RDX: variants seen among roughly 807,000 people sequenced by gnomAD.
The protein encoded by RDX is radixin.
A neutral mutation model predicts 83.7 loss-of-function variants in RDX; 32 were observed. That is an observed-to-expected ratio of 0.38 (90% confidence interval 0.29 to 0.51). The LOEUF (loss-of-function observed/expected upper bound fraction) is 0.51. RDX is among the 20% of genes least tolerant of loss of function. The pLI, the probability that RDX is intolerant of heterozygous loss-of-function variation, is 0.87. For missense variants in RDX, 600 were observed against 689.9 expected, an observed-to-expected ratio of 0.87 and a Z score of 1.46; for synonymous variants, 229 against 222.7, an observed-to-expected ratio of 1.03 and a Z score of -0.25.
chr11:110,291,847 G>A (rs757684340), intron 1 of RDX, among the ~76,000 whole-genome samples: 1 of 152,086 alleles, frequency 6.6e-6, no homozygotes, highest in African/African-American at 2.4e-5. Flanking sequence ...ATTAAATTTT[G>A]GCCAGGCATG....
rs1864551584 is a variant in RDX, at chr11:110,229,738, T to C, written c.*2131A>G. Reference sequence around the variant, plus strand: ...ATCCATTTTAATCCTAATCTACAAATAGATCATAAACAGCAAAATATAACT... The same window carrying C: ...ATCCATTTTAATCCTAATCTACAAACAGATCATAAACAGCAAAATATAACT... On this transcript the variant is annotated 3_prime_UTR_variant, in exon 14 of 14. Transcript: ENST00000645495. The C allele has an allele frequency of 6.6e-6, 1 of 152,488 alleles. No homozygotes were observed. Among genetic ancestry groups the C allele is most frequent in the South Asian group, 2.1e-4 (1 of 4,830 alleles). 9.4% of individuals were successfully genotyped at this position (152,488 alleles called of 1,614,324 possible).
intron 1 of RDX, among the ~76,000 whole-genome samples, chr11:110,285,214 C>T (rs765653668): frequency 2.6e-4 from 39 of 151,354 alleles, no homozygotes; most frequent in Non-Finnish European, 2.8e-4. Context: ...TAGTGAAACC[C>T]GGTCTCTACT....
intron 15 of RDX, among the ~76,000 whole-genome samples, chr11:110,189,124 GA>G (rs978265132): frequency 6.6e-6 from 1 of 151,342 alleles, no homozygotes; most frequent in African/African-American, 2.4e-5. Flanking sequence ...GACATTTAAT[GA>G]CACCCATAGG....
intron 9 of RDX, among the ~76,000 whole-genome samples, chr11:110,250,383 G>A (rs1859281430): frequency 6.6e-6 from 1 of 152,142 alleles, no homozygotes. Flanking sequence ...CAGCCTCTAT[G>A]CAATCACATC....
intron 15 of RDX, among the ~76,000 whole-genome samples, chr11:110,181,065 C>T (rs1486194391): frequency 6.6e-6 from 1 of 152,086 alleles, no homozygotes. Context: ...TTCCAGGTAT[C>T]ACCTTGGAAT....
chr11:110,214,453 A>C (rs1863955203), intron 14 of RDX, among the ~76,000 whole-genome samples: 1 of 139,484 alleles, frequency 7.2e-6, no homozygotes, highest in Non-Finnish European at 1.5e-5. Context: ...GGGATCTAGA[A>C]TTGGAAATAC....
chr11:110,209,612 T>G (rs1348421569), intron 14 of RDX, among the ~76,000 whole-genome samples: 1 of 149,904 alleles, frequency 6.7e-6, no homozygotes, highest in Non-Finnish European at 1.5e-5. Context: ...AAGAGAGCAG[T>G]GGTTCTCCCA....
chr11:110,227,127 T>C (rs1221055468), downstream of RDX, among the ~76,000 whole-genome samples: 1 of 152,096 alleles, frequency 6.6e-6, no homozygotes, highest in African/African-American at 2.4e-5. Context: ...TCCCTTATGA[T>C]TCTGAAAAAC....
chr11:110,223,460 G>C (rs1864324593), intron 14 of RDX, among the ~76,000 whole-genome samples: 1 of 152,110 alleles, frequency 6.6e-6, no homozygotes, highest in Non-Finnish European at 1.5e-5. Flanking sequence ...ACCGAGAGGT[G>C]AAAGTTGCAG....
chr11:110,183,486 C>A (rs146538449), intron 15 of RDX, among the ~76,000 whole-genome samples: 18 of 152,250 alleles, frequency 1.2e-4, no homozygotes, highest in Middle Eastern at 3.4e-3. Context: ...CGCTAACAGC[C>A]CAGCCAATTT....
chr11:110,264,451 T>C (rs984562566), intron 4 of RDX, among the ~76,000 whole-genome samples: 1 of 152,192 alleles, frequency 6.6e-6, no homozygotes, highest in Non-Finnish European at 1.5e-5. Context: ...AATAACCAAA[T>C]TGAAAACTTT....
At chr11:110,248,726 C>A (rs1188597086) in intron 9 of RDX, among the ~76,000 whole-genome samples, 1 of 152,064 alleles carries the variant, frequency 6.6e-6, no homozygotes, top group African/African-American at 2.4e-5. Context: ...TTAGATTAAC[C>A]GGAGACCTCC....
Position 110,267,136 on chromosome 11 carries a change from T to G in RDX, c.97-2262A>C, listed in dbSNP as rs578184539. 2.0e-5 allele frequency among the ~76,000 whole-genome samples: 3 copies of G among 152,224 alleles called. No homozygotes were observed. In the East Asian group the frequency reaches 5.8e-4, roughly 30 times the overall value. On this transcript the variant is annotated intron_variant, in intron 3 of 13. Coordinates refer to ENST00000645495, the MANE Select transcript of RDX (RefSeq NM_002906.4). ...CCAGGCTGGTCTTGACCTCCTGAGCTCAAGGGATCTGCCCACCTCAGCCTC... is the reference window on the plus strand; with the variant it reads ...CCAGGCTGGTCTTGACCTCCTGAGCGCAAGGGATCTGCCCACCTCAGCCTC...
Position 110,229,787 on chromosome 11 carries a change from A to G in RDX, c.*2082T>C, listed in dbSNP as rs1864553947. 6.6e-6 allele frequency: 1 copy of G among 152,532 alleles called. No individual in the cohort carries two copies. The highest frequency in any genetic ancestry group is 1.5e-5 in the Non-Finnish European group (1 of 67,928). The allele number at this position is 152,532 out of a possible 1,614,324, so 9.4% of individuals were successfully genotyped here. ...CTGATAATTTTTCAATACTGTATCA[A>G]ACTGATGTAGCTATGGTAGTGCACA... On this transcript the variant is annotated 3_prime_UTR_variant, in exon 14 of 14. Transcript: ENST00000645495.
At chr11:110,209,456 G>GC (rs1365267652) in intron 14 of RDX, among the ~76,000 whole-genome samples, 1 of 152,220 alleles carries the variant, frequency 6.6e-6, no homozygotes, top group Non-Finnish European at 1.5e-5. Flanking sequence ...AAACAAAGCA[G>GC]CCGGGAAGCT....
At position 110,247,732 on chromosome 11, in the gene RDX, A is replaced by G. The variant is rs1859165534; in HGVS notation, c.1061T>C (p.Ile354Thr). Residue 354 changes from isoleucine to threonine, a missense_variant, in exon 10 of 14, where the codon ATT (isoleucine) becomes ACT (threonine). By Grantham distance (89) the Ile-to-Thr change is moderately conservative (BLOSUM62 -1). Coordinates refer to ENST00000645495, the MANE Select transcript of RDX (RefSeq NM_002906.4). ...CTGAGCTTTAATTGTCTGCTCTTCA[A>G]TTTGTTTTAGACGTTCCATTAGCTC... is the stretch of plus-strand genomic sequence containing the variant. Reference protein sequence around the residue: ...KEELMERLKQIEEQTIKAQKE... With the variant: ...KEELMERLKQTEEQTIKAQKE... The G allele has an allele frequency of 6.8e-6, 11 of 1,612,194 alleles. No individual in the cohort carries two copies. Among genetic ancestry groups the G allele is most frequent in the African/African-American group, 1.3e-5 (1 of 74,874 alleles).
chr11:110,220,408 T>C (rs754155940), intron 14 of RDX, among the ~76,000 whole-genome samples: 1 of 152,220 alleles, frequency 6.6e-6, no homozygotes, highest in Non-Finnish European at 1.5e-5. Context: ...GCCAAGTGGA[T>C]TCCCAAGGTC....
intron 1 of RDX, among the ~76,000 whole-genome samples, chr11:110,295,064 A>G (rs993305342): frequency 2.0e-5 from 3 of 152,250 alleles, no homozygotes. Flanking sequence ...TAACTTCAAA[A>G]GGAGTGTTTT....
intron 15 of RDX, among the ~76,000 whole-genome samples, chr11:110,186,239 T>A (rs1328111735): frequency 6.6e-6 from 1 of 152,098 alleles, no homozygotes; most frequent in African/African-American, 2.4e-5. Flanking sequence ...AGCATCCCAA[T>A]GATAAACACA....
Sources: gnomAD v4.1 joint callset for allele counts (sites outside exome capture counted in the v4.1 genomes callset) on GRCh38, gnomAD v4.1.1 for gene constraint, MANE v1.5 for transcripts, NCBI Gene and HGNC (gene_info 2026-07-23, HGNC 2026-07-21) for gene names.